EFHC2: variants seen among roughly 807,000 people sequenced by gnomAD.
EFHC2 encodes EF-hand domain-containing family member C2.
Under a neutral mutation model 52.7 loss-of-function variants are expected in EFHC2, and 18 were observed. The observed-to-expected ratio is 0.34, with a 90% CI of 0.24 to 0.51. The LOEUF is 0.51. Among genes scored for constraint, EFHC2 ranks in the 20% least tolerant of loss-of-function variants. The probability of loss-of-function intolerance (pLI) is 0.97; values close to 1 mark genes in which losing one functional copy is unlikely to be tolerated. For missense variants in EFHC2, 513 were observed against 562.5 expected, an observed-to-expected ratio of 0.91 and a Z score of 0.89; for synonymous variants, 203 against 204.1, an observed-to-expected ratio of 0.99 and a Z score of 0.04.
In EFHC2 at chrX:44,242,230, A is replaced by G; in HGVS notation, c.1171T>C (p.Phe391Leu). 2 of 1,208,610 alleles carry G rather than the reference A, an allele frequency of 1.7e-6. No individual in the cohort carries two copies. Among genetic ancestry groups the G allele is most frequent in the Non-Finnish European group, 2.2e-6 (2 of 894,042 alleles). The change falls in exon 8 of 15, where the codon TTT (phenylalanine) becomes CTT (leucine). Residue 391 changes from phenylalanine to leucine, a missense_variant. By Grantham distance (22) the Phe-to-Leu change is conservative (BLOSUM62 0). Transcript: ENST00000420999. ...PSPPPKIERK[F>L]PPYNGFGSEE... ...GAACCAAAACCGTTGTAAGGTGGAA[A>G]TTTCCTTTCTATTTTTGGAGGAGGA...
intron 2 of EFHC2, among the ~76,000 whole-genome samples, chrX:44,276,349 A>G (rs1206017157): frequency 8.9e-6 from 1 of 111,904 alleles, no homozygotes; most frequent in Admixed American, 9.5e-5. Flanking sequence ...GGATTGCTTT[A>G]GCCCAGGAAT....
At chrX:44,269,646 G>A (rs977313485) in intron 3 of EFHC2, among the ~76,000 whole-genome samples, 2 of 110,976 alleles carry the variant, frequency 1.8e-5, no homozygotes, top group African/African-American at 3.3e-5. Flanking sequence ...CTTCCACCAC[G>A]AGTAAAAGCT....
intron 2 of EFHC2, among the ~76,000 whole-genome samples, chrX:44,282,486 C>T (rs753756013): frequency 1.0e-5 from 1 of 98,137 alleles, no homozygotes; most frequent in Non-Finnish European, 2.1e-5. Context: ...CATGGTGGCA[C>T]GAGCCTGTAG....
intron 11 of EFHC2, among the ~76,000 whole-genome samples, chrX:44,221,711 G>A (rs2037194907): frequency 9.0e-6 from 1 of 111,311 alleles, no homozygotes. Flanking sequence ...AATTCTGATT[G>A]GAATTGCTTC....
intron 14 of EFHC2, among the ~76,000 whole-genome samples, chrX:44,160,567 A>AGTAAAATATGTTTTCAGAG (rs2036644279): frequency 1.8e-5 from 2 of 111,846 alleles, no homozygotes; most frequent in African/African-American, 6.5e-5. Context: ...AAATTAAAGT[A>AGTAAAATATGTTTTCAGAG]GTAAAATATG....
chrX:44,190,790 C>T (rs2036913849), intron 11 of EFHC2, among the ~76,000 whole-genome samples: 1 of 110,487 alleles, frequency 9.1e-6, no homozygotes, highest in South Asian at 3.9e-4. Flanking sequence ...CTGGTTTCTT[C>T]TCACATCCCA....
chrX:44,152,688 T>C (rs766493685), intron 14 of EFHC2, among the ~76,000 whole-genome samples: 5 of 106,563 alleles, frequency 4.7e-5, no homozygotes, highest in Non-Finnish European at 9.6e-5. Flanking sequence ...GTTGCTACTT[T>C]ACTACTTACT....
chrX:44,249,446 G>GTT (rs377376546), intron 5 of EFHC2, among the ~76,000 whole-genome samples: 2 of 102,692 alleles, frequency 1.9e-5, no homozygotes, highest in Admixed American at 1.0e-4. Flanking sequence ...TGTTTTTTTG[G>GTT]TTTTTTTTTT....
chrX:44,205,393 G>C (rs1384209814), intron 11 of EFHC2, among the ~76,000 whole-genome samples: 1 of 103,042 alleles, frequency 9.7e-6, no homozygotes, highest in East Asian at 3.1e-4. Flanking sequence ...CCATATAGAA[G>C]ACATAAAATG....
chrX:44,200,003 T>C (rs1360333078), intron 11 of EFHC2, among the ~76,000 whole-genome samples: 1 of 111,997 alleles, frequency 8.9e-6, no homozygotes, highest in East Asian at 2.8e-4. Flanking sequence ...CTGGATAGGA[T>C]CCTGGGACAG....
At chrX:44,263,053 A>G (rs2037553077) in intron 3 of EFHC2, among the ~76,000 whole-genome samples, 1 of 112,414 alleles carries the variant, frequency 8.9e-6, no homozygotes, top group African/African-American at 3.2e-5. Context: ...AAGAGAAGTC[A>G]GTGCCTCTGC....
rs1180118859 is a variant in EFHC2, at chrX:44,185,450, T to C, written c.1752-6886A>G. Among the ~76,000 whole-genome samples, 20 of 111,970 alleles carry C rather than the reference T, an allele frequency of 1.8e-4. No homozygotes were observed. The Admixed American group carries it at 1.9e-3, about 11-fold the overall frequency. On this transcript the variant is annotated intron_variant, in intron 11 of 14. Coordinates refer to ENST00000420999, the MANE Select transcript of EFHC2 (RefSeq NM_025184.4). ...TATCTTGGTCATTTTAAATTGGCAG[T>C]GGCATCTAACATCATAGCTTTAAAT... is the stretch of plus-strand genomic sequence containing the variant.
At chrX:44,157,256 C>A (rs1254861310) in intron 14 of EFHC2, among the ~76,000 whole-genome samples, 1 of 112,228 alleles carries the variant, frequency 8.9e-6, no homozygotes, top group Non-Finnish European at 1.9e-5. Context: ...GGAAACTGGT[C>A]CTCAAATCCA....
chrX:44,253,691 C>G (rs2037470841), intron 4 of EFHC2, among the ~76,000 whole-genome samples: 1 of 112,112 alleles, frequency 8.9e-6, no homozygotes, highest in Non-Finnish European at 1.9e-5. Context: ...TGGCTGTGGG[C>G]ACAGCTTCAG....
At chrX:44,165,356 T>C (rs1195950536) in intron 13 of EFHC2, among the ~76,000 whole-genome samples, 5 of 111,784 alleles carry the variant, frequency 4.5e-5, no homozygotes, top group Non-Finnish European at 9.4e-5. Context: ...GTGTACATTT[T>C]CTTTGGCCAA....
intron 11 of EFHC2, among the ~76,000 whole-genome samples, chrX:44,185,789 C>T (rs1282106597): frequency 9.0e-6 from 1 of 111,382 alleles, no homozygotes; most frequent in Non-Finnish European, 1.9e-5. Flanking sequence ...ACTTTGGCCT[C>T]CCAAAGTGCT....
intron 2 of EFHC2, among the ~76,000 whole-genome samples, chrX:44,288,621 G>A (rs764514682): frequency 1.8e-5 from 2 of 111,492 alleles, no homozygotes; most frequent in Non-Finnish European, 3.8e-5. Context: ...TACTTTCTCT[G>A]AGTTTATGAT....
At chrX:44,243,780 T>A (rs1214258938) in intron 7 of EFHC2, among the ~76,000 whole-genome samples, 2 of 107,531 alleles carry the variant, frequency 1.9e-5, no homozygotes, top group Admixed American at 1.9e-4. Context: ...ACTATTGCTA[T>A]TTTTATGGTG....
chrX:44,210,321 T>C, intron 11 of EFHC2, among the ~76,000 whole-genome samples: 1 of 112,199 alleles, frequency 8.9e-6, no homozygotes. Context: ...GTTATAGAAA[T>C]TGACAAGCTG....
Sources: gnomAD v4.1 joint callset for allele counts (sites outside exome capture counted in the v4.1 genomes callset) on GRCh38, gnomAD v4.1.1 for gene constraint, MANE v1.5 for transcripts, NCBI Gene and HGNC (gene_info 2026-07-23, HGNC 2026-07-21) for gene names.